The following HS6ST3 variants were observed in gnomAD, a reference collection of about 807,000 sequenced individuals.
HS6ST3 encodes heparan sulfate 6-O-sulfotransferase 3, also known as heparan-sulfate 6-O-sulfotransferase 3.
In HS6ST3, 12 loss-of-function variants were observed where a neutral mutation model predicts 36.7. The observed-to-expected ratio is 0.33, with a 90% CI of 0.21 to 0.53. The LOEUF is 0.53. Ranked by LOEUF, HS6ST3 falls within the 20% of genes least tolerant of loss-of-function variation. HS6ST3 has a pLI of 0.95. For missense variants in HS6ST3, 584 were observed against 640.9 expected, an observed-to-expected ratio of 0.91 and a Z score of 0.96; for synonymous variants, 240 against 257.5, an observed-to-expected ratio of 0.93 and a Z score of 0.65.
At chr13:96,396,724 C>T (rs2055423569) in intron 1 of HS6ST3, among the ~76,000 whole-genome samples, 2 of 152,182 alleles carry the variant, frequency 1.3e-5, no homozygotes, top group East Asian at 3.9e-4. Context: ...CTGCCCTGCA[C>T]TACAGGTGGC....
intron 1 of HS6ST3, among the ~76,000 whole-genome samples, chr13:96,254,583 A>G (rs2054628187): frequency 6.8e-6 from 1 of 146,500 alleles, no homozygotes; most frequent in South Asian, 2.2e-4. Flanking sequence ...GATCCATCTT[A>G]TTTCCCAAAA....
chr13:96,111,937 A>G (rs892781512), intron 1 of HS6ST3, among the ~76,000 whole-genome samples: 4 of 152,352 alleles, frequency 2.6e-5, no homozygotes, highest in Middle Eastern at 3.4e-3. Context: ...AAAAGAAATT[A>G]CTAGTCCTTT....
intron 1 of HS6ST3, among the ~76,000 whole-genome samples, chr13:96,155,869 CT>C (rs1016665281): frequency 5.9e-5 from 9 of 151,948 alleles, no homozygotes; most frequent in African/African-American, 1.9e-4. Context: ...AGTTATGAAA[CT>C]TTTTTTTAAA....
intron 1 of HS6ST3, among the ~76,000 whole-genome samples, chr13:96,297,744 A>G (rs2054862125): frequency 6.6e-6 from 1 of 152,120 alleles, no homozygotes; most frequent in African/African-American, 2.4e-5. Context: ...TTTCCCCAGT[A>G]TGCAATGCCC....
chr13:96,629,115 A>T (rs941454778), intron 1 of HS6ST3, among the ~76,000 whole-genome samples: 6 of 152,270 alleles, frequency 3.9e-5, no homozygotes, highest in Non-Finnish European at 8.8e-5. Flanking sequence ...TACTGTGGAT[A>T]TGCTAAAATG....
At chr13:96,112,578 A>AATATACATACATATATATAT (rs397773858) in intron 1 of HS6ST3, among the ~76,000 whole-genome samples, 2 of 81,224 alleles carry the variant, frequency 2.5e-5, no homozygotes, top group African/African-American at 4.9e-5. Context: ...AAAATAAATA[A>AATATACATACATATATATAT]ATATATATAT....
At chr13:96,352,446 T>A (rs1226467407) in intron 1 of HS6ST3, among the ~76,000 whole-genome samples, 1 of 152,196 alleles carries the variant, frequency 6.6e-6, no homozygotes, top group Non-Finnish European at 1.5e-5. Flanking sequence ...CAGAGGCCAC[T>A]CAAGTGTCTT....
intron 1 of HS6ST3, among the ~76,000 whole-genome samples, chr13:96,386,509 T>C (rs1256556761): frequency 6.6e-6 from 1 of 152,138 alleles, no homozygotes; most frequent in East Asian, 1.9e-4. Context: ...CAACTAAAAA[T>C]TGTATATTGT....
chr13:96,629,815 AT>A (rs1392549336), intron 1 of HS6ST3, among the ~76,000 whole-genome samples: 2 of 151,654 alleles, frequency 1.3e-5, no homozygotes, highest in African/African-American at 4.8e-5. Context: ...ATTTGCTACC[AT>A]TTGCTAAATG....
rs933010709 is a variant in HS6ST3 at position 96,603,833 on chromosome 13, G to C, written c.708-228657G>C. Among the ~76,000 whole-genome samples, 5 of 152,240 alleles carry C rather than the reference G, an allele frequency of 3.3e-5. No individual in the cohort carries two copies. The East Asian group carries it at 9.6e-4, about 29-fold the overall frequency. On this transcript the variant is annotated intron_variant, in intron 1 of 1. Coordinates refer to ENST00000376705, the MANE Select transcript of HS6ST3 (RefSeq NM_153456.4). ...GGCATACTTCACAGTTTATAACAAA[G>C]CTGATCACTTTATTTTGTGAAATTT...
At chr13:96,141,157 A>C (rs530750748) in intron 1 of HS6ST3, among the ~76,000 whole-genome samples, 1 of 152,194 alleles carries the variant, frequency 6.6e-6, no homozygotes, top group Non-Finnish European at 1.5e-5. Flanking sequence ...GTGCAAATGC[A>C]GTCGGGTTTG....
intron 1 of HS6ST3, among the ~76,000 whole-genome samples, chr13:96,696,951 A>C (rs1240207039): frequency 6.6e-6 from 1 of 152,174 alleles, no homozygotes; most frequent in Non-Finnish European, 1.5e-5. Flanking sequence ...ATAAATGGGC[A>C]ATCAGAATCT....
chr13:96,315,983 C>T (rs990161546), intron 1 of HS6ST3, among the ~76,000 whole-genome samples: 1 of 152,118 alleles, frequency 6.6e-6, no homozygotes, highest in Non-Finnish European at 1.5e-5. Context: ...CCCAGAACTT[C>T]GGAATGCTCA....
intron 1 of HS6ST3, among the ~76,000 whole-genome samples, chr13:96,115,429 G>A (rs1377281391): frequency 6.6e-6 from 1 of 152,144 alleles, no homozygotes; most frequent in Non-Finnish European, 1.5e-5. Flanking sequence ...GCCCTGGTAT[G>A]TGTTGTTCCC....
intron 1 of HS6ST3, among the ~76,000 whole-genome samples, chr13:96,189,713 G>A (rs544232806): frequency 6.6e-6 from 1 of 152,272 alleles, no homozygotes; most frequent in East Asian, 1.9e-4. Context: ...CCCAGGCTGC[G>A]GGATGACTGT....
In HS6ST3 at chr13:96,093,744, A is replaced by G. The variant is rs114051039; in HGVS notation, c.707+2175A>G. ...TGTGAAGTGCCCTGCATCAAAAGCT[A>G]TAGGGAAAAAGTTGAAAGGATGTTA... On this transcript the variant is annotated intron_variant, in intron 1 of 1. Transcript: ENST00000376705. Among the ~76,000 whole-genome samples the G allele has an allele frequency of 2.8e-3, 419 of 152,258 alleles. 2 individuals carry two copies. Among genetic ancestry groups the G allele is most frequent in the African/African-American group, 9.6e-3 (400 of 41,552 alleles).
intron 1 of HS6ST3, among the ~76,000 whole-genome samples, chr13:96,692,945 T>C (rs1393073239): frequency 1.3e-5 from 2 of 152,150 alleles, no homozygotes; most frequent in Non-Finnish European, 2.9e-5. Flanking sequence ...AAGCTCATAT[T>C]GTAAATTTCG....
intron 1 of HS6ST3, among the ~76,000 whole-genome samples, chr13:96,526,182 G>A (rs1382871846): frequency 6.6e-6 from 1 of 152,144 alleles, no homozygotes; most frequent in Admixed American, 6.6e-5. Context: ...ATGCATATGG[G>A]AAGATGAAGA....
At position 96,279,950 on chromosome 13, in the gene HS6ST3, T is replaced by C. The variant is rs536711730; in HGVS notation, c.707+188381T>C. On this transcript the variant is annotated intron_variant, in intron 1 of 1. Coordinates refer to ENST00000376705, the MANE Select transcript of HS6ST3 (RefSeq NM_153456.4). The stretch of plus-strand genomic sequence containing the variant: ...TTTTACAAGATATCTAATCATTTTG[T>C]ATAAAAAATGGCAAGGGACTACAAC... Among the ~76,000 whole-genome samples, 20 of 152,312 alleles carry C rather than the reference T, an allele frequency of 1.3e-4. 1 individual carries two copies. The highest frequency in any genetic ancestry group is 1.0e-3 in the South Asian group (5 of 4,824).
Sources: gnomAD v4.1 joint callset for allele counts (sites outside exome capture counted in the v4.1 genomes callset) on GRCh38, gnomAD v4.1.1 for gene constraint, MANE v1.5 for transcripts, NCBI Gene and HGNC (gene_info 2026-07-23, HGNC 2026-07-21) for gene names.